The following FAM20B variants were observed in gnomAD, a reference collection of about 807,000 sequenced individuals.
FAM20B encodes the protein FAM20B glycosaminoglycan xylosylkinase.
A neutral mutation model predicts 43.8 loss-of-function variants in FAM20B; 23 were observed. That is an observed-to-expected ratio of 0.53 (90% CI 0.38 to 0.74). The LOEUF (loss-of-function observed/expected upper bound fraction) is 0.74. Ranked by LOEUF, FAM20B falls within the 30% of genes least tolerant of loss-of-function variation. FAM20B has a pLI of 0.00. For missense variants in FAM20B, 440 were observed against 510.5 expected, an observed-to-expected ratio of 0.86 and a Z score of 1.33; for synonymous variants, 178 against 192.4, an observed-to-expected ratio of 0.93 and a Z score of 0.62.
chr1:179,018,998 C>T, the FAM20B span, among the ~76,000 whole-genome samples: 1 of 152,196 alleles, frequency 6.6e-6, no homozygotes, highest in African/African-American at 2.4e-5. Flanking sequence ...ATCCATATCC[C>T]AGCTAAAGTA....
chr1:179,073,899 T>C lies in FAM20B; in HGVS notation c.*1755T>C, dbSNP rs1464051839. 6.6e-6 allele frequency: 1 copy of C among 152,246 alleles called. No homozygotes were observed. Among genetic ancestry groups the C allele is most frequent in the Non-Finnish European group, 1.5e-5 (1 of 68,040 alleles). 9.4% of individuals were successfully genotyped at this position (152,246 alleles called of 1,614,324 possible). A position where few individuals can be genotyped will look rare whatever the true frequency, so the allele number is the denominator to read the frequency against. On this transcript the variant is annotated 3_prime_UTR_variant, in exon 8 of 8. Coordinates refer to ENST00000263733, the MANE Select transcript of FAM20B (RefSeq NM_014864.4). The stretch of plus-strand genomic sequence containing the variant: ...GACAGGCCTGATGTGCCCACTCATC[T>C]ATGGACTCAGAGCTGTGTGCTTTGC...
chr1:179,035,196 G>C (rs1650171122), intron 1 of FAM20B: 1 of 410,814 alleles, frequency 2.4e-6, no homozygotes, highest in Non-Finnish European at 4.6e-6. Context: ...ACACCAACAT[G>C]CTTTTCTGTA....
At chr1:179,018,741 TATCAGTCAAGG>T in the FAM20B span, among the ~76,000 whole-genome samples, 3 of 152,374 alleles carry the variant, frequency 2.0e-5, no homozygotes. Context: ...ATTAAATCTG[TATCAGTCAAGG>T]TTCTCTAGAG....
chr1:179,068,854 A>G (rs1651800997), intron 7 of FAM20B, among the ~76,000 whole-genome samples: 2 of 152,326 alleles, frequency 1.3e-5, no homozygotes, highest in African/African-American at 2.4e-5. Context: ...TTTGGACTTC[A>G]GTGGAGAAGG....
chr1:179,041,440 G>A (rs1284138491), intron 1 of FAM20B, among the ~76,000 whole-genome samples: 1 of 152,132 alleles, frequency 6.6e-6, no homozygotes, highest in Non-Finnish European at 1.5e-5. Flanking sequence ...GATCACTCGC[G>A]GTTAGGAGCT....
At chr1:179,035,607 T>G (rs1650193115) in intron 1 of FAM20B, 1 of 507,360 alleles carries the variant, frequency 2.0e-6, no homozygotes, top group East Asian at 4.0e-5. Context: ...TGCACGTAAC[T>G]GTGGCCCTTT....
intron 1 of FAM20B, among the ~76,000 whole-genome samples, chr1:179,040,057 A>G (rs1650418848): frequency 6.6e-6 from 1 of 152,246 alleles, no homozygotes; most frequent in South Asian, 2.1e-4. Context: ...GGGCAAGGTC[A>G]CAGATCAACA....
At position 179,071,919 on chromosome 1, in the gene FAM20B, G is replaced by T; in HGVS notation, c.1005G>T (p.Arg335=). Residue 335 remains arginine, a synonymous_variant, in exon 8 of 8, where the codon CGG becomes CGT. Transcript: ENST00000263733. ...LAPLYQCCII[R]VSTWNRLNYL... is the part of the protein sequence containing the mutation. ...CTATAACTTTTTCTCCCAGCATTCG[G>T]GTGTCCACCTGGAACAGACTGAACT... is the stretch of plus-strand genomic sequence containing the variant. 6.2e-7 allele frequency: 1 copy of T among 1,611,272 alleles called. No individual in the cohort carries two copies. Among genetic ancestry groups the T allele is most frequent in the South Asian group, 1.1e-5 (1 of 90,870 alleles).
rs374483150 is a variant in FAM20B at position 179,028,581 on chromosome 1, A to AAAAC, written c.-134+2498_-134+2501dup. On this transcript the variant is annotated intron_variant, in intron 1 of 7. Coordinates refer to ENST00000263733, the MANE Select transcript of FAM20B (RefSeq NM_014864.4). ...TGCTGACAGTGAGACTCCGTCTCAA[A>AAAAC]AAACAAACAAACAAACAACAACAAC... Among the ~76,000 whole-genome samples, 224 of 152,226 alleles carry AAAAC rather than the reference A, an allele frequency of 1.5e-3. 8 individuals are homozygous for AAAAC. In the East Asian group the frequency reaches 0.03, roughly 21 times the overall value.
rs111503071 is a variant in FAM20B at position 179,036,163 on chromosome 1, C to G, written c.-133-7552C>G. Among the ~76,000 whole-genome samples, 617 of 152,104 alleles carry G rather than the reference C, an allele frequency of 4.1e-3. 3 individuals are homozygous for G. Among genetic ancestry groups the G allele is most frequent in the African/African-American group, 0.014 (592 of 41,490 alleles). ...AAAAGAAAGTAAGTAAATTAGCCTCCGTAGCAAGCCCCATATAGCTGATGG... is the reference window on the plus strand; with the variant it reads ...AAAAGAAAGTAAGTAAATTAGCCTCGGTAGCAAGCCCCATATAGCTGATGG... On this transcript the variant is annotated intron_variant, in intron 1 of 7. Transcript: ENST00000263733.
At chr1:179,035,763 AC>A (rs1650199650) in intron 1 of FAM20B, 1 of 285,328 alleles carries the variant, frequency 3.5e-6, no homozygotes, top group East Asian at 9.1e-5. Flanking sequence ...TCATAGTCTT[AC>A]GTTTGCCCTT....
At chr1:179,065,670 GCCTCTCCCTCTA>G (rs1382065248) in intron 6 of FAM20B, among the ~76,000 whole-genome samples, 1 of 152,122 alleles carries the variant, frequency 6.6e-6, no homozygotes, top group Non-Finnish European at 1.5e-5. Flanking sequence ...AGCAAACACT[GCCTCTCCCTCTA>G]CCCCATTACA....
chr1:179,038,819 TG>T (rs1650358321), intron 1 of FAM20B, among the ~76,000 whole-genome samples: 6 of 152,204 alleles, frequency 3.9e-5, no homozygotes, highest in Admixed American at 3.9e-4. Flanking sequence ...CTAATAGTGT[TG>T]TGTACCCTGG....
chr1:179,051,495 C>T (rs1395295758), intron 3 of FAM20B, among the ~76,000 whole-genome samples: 2 of 151,884 alleles, frequency 1.3e-5, no homozygotes, highest in African/African-American at 2.4e-5. Context: ...AGTGTGGTGG[C>T]GTGTGCCTAT....
At chr1:179,053,710 A>G (rs1405475835) in intron 3 of FAM20B, among the ~76,000 whole-genome samples, 4 of 152,152 alleles carry the variant, frequency 2.6e-5, no homozygotes, top group Non-Finnish European at 5.9e-5. Flanking sequence ...AGGCTTTCTA[A>G]TGACTGGGGA....
intron 2 of FAM20B, among the ~76,000 whole-genome samples, chr1:179,046,512 C>T (rs1025701660): frequency 5.9e-5 from 9 of 151,502 alleles, no homozygotes; most frequent in Non-Finnish European, 5.9e-5. Flanking sequence ...ATTAGCCGGG[C>T]GTTTTGGTAT....
intron 7 of FAM20B, among the ~76,000 whole-genome samples, chr1:179,070,450 G>T (rs1387771429): frequency 6.7e-6 from 1 of 149,816 alleles, no homozygotes; most frequent in African/African-American, 2.5e-5. Flanking sequence ...TTATTGCTGT[G>T]TCATCATGTC....
At position 179,073,916 on chromosome 1, in the gene FAM20B, G is replaced by A. The variant is rs193209299; in HGVS notation, c.*1772G>A. The A allele has an allele frequency of 6.6e-6, 1 of 152,336 alleles. No individual in the cohort carries two copies. Among genetic ancestry groups the A allele is most frequent in the Admixed American group, 6.5e-5 (1 of 15,312 alleles). The allele number at this position is 152,336 out of a possible 1,614,324, so 9.4% of individuals were successfully genotyped here. Reference sequence around the variant, plus strand: ...CACTCATCTATGGACTCAGAGCTGTGTGCTTTGCTCCTGCATCTTGTTGAG... The same window carrying A: ...CACTCATCTATGGACTCAGAGCTGTATGCTTTGCTCCTGCATCTTGTTGAG... On this transcript the variant is annotated 3_prime_UTR_variant, in exon 8 of 8. Coordinates refer to ENST00000263733, the MANE Select transcript of FAM20B (RefSeq NM_014864.4).
chr1:179,043,810 A>G lies in FAM20B; in HGVS notation c.-38A>G. On this transcript the variant is annotated 5_prime_UTR_variant, in exon 2 of 8. Transcript: ENST00000263733. ...CACCACCAGCTCTCCTTAATACATG[A>G]GCAAGAGTGGGTCAGGGGAGAAGGA... is the stretch of plus-strand genomic sequence containing the variant. 1 of 1,551,838 alleles carries G rather than the reference A, an allele frequency of 6.4e-7. No homozygotes were observed.
Sources: allele counts gnomAD v4.1 joint callset (sites outside exome capture counted in the v4.1 genomes callset), GRCh38; gene constraint gnomAD v4.1.1; transcripts MANE v1.5; gene names NCBI Gene and HGNC (gene_info 2026-07-23, HGNC 2026-07-21).